DDC: variants seen among roughly 807,000 people sequenced by gnomAD.
DDC encodes dopa decarboxylase.
A neutral mutation model predicts 60.0 loss-of-function variants in DDC; 43 were observed. That is an observed-to-expected ratio of 0.72 (90% CI 0.56 to 0.92). DDC has a LOEUF of 0.92. Among genes scored for constraint, DDC ranks in the 40% least tolerant of loss-of-function variants. The pLI, the probability that DDC is intolerant of heterozygous loss-of-function variation, is 0.00. For synonymous variants in DDC, 232 were observed against 234.6 expected, an observed-to-expected ratio of 0.99 and a Z score of 0.10; for missense variants, 573 against 620.2, an observed-to-expected ratio of 0.92 and a Z score of 0.81.
chr7:50,478,139 G>T (rs1466335250), intron 10 of DDC, among the ~76,000 whole-genome samples: 2 of 152,138 alleles, frequency 1.3e-5, no homozygotes, highest in African/African-American at 4.8e-5. Context: ...CTTGAGCCTG[G>T]GAGGTGGAGG....
chr7:50,525,587 G>A (rs573784276), intron 6 of DDC, among the ~76,000 whole-genome samples: 1 of 152,022 alleles, frequency 6.6e-6, no homozygotes, highest in Non-Finnish European at 1.5e-5. Context: ...AACATGATGA[G>A]ACCCCGTCTC....
At chr7:50,551,954 T>C (rs1309291811) in intron 1 of DDC, among the ~76,000 whole-genome samples, 1 of 152,034 alleles carries the variant, frequency 6.6e-6, no homozygotes, top group African/African-American at 2.4e-5. Flanking sequence ...CTGGGAAAGA[T>C]TCAGAAAGAC....
chr7:50,516,398 C>A (rs2043732559), intron 6 of DDC, among the ~76,000 whole-genome samples: 1 of 152,016 alleles, frequency 6.6e-6, no homozygotes. Flanking sequence ...ACGACACAAC[C>A]TACCAAAACC....
intron 1 of DDC, 92 bp from the exon 2 acceptor site, chr7:50,544,205 G>A: frequency 1.1e-6 from 1 of 933,412 alleles, no homozygotes; most frequent in Non-Finnish European, 1.7e-6. Flanking sequence ...GGACACCTGG[G>A]CAGTGACTGC....
At chr7:50,499,085 A>C (rs2043187393) in intron 8 of DDC, 63 bp downstream of exon 8, 2 of 1,259,416 alleles carry the variant, frequency 1.6e-6, no homozygotes, top group African/African-American at 2.9e-5. Context: ...CTCCTCATGA[A>C]GGGAGAGGTC....
chr7:50,544,219 C>T, intron 1 of DDC, 106 bp from the exon 2 acceptor site: 1 of 820,060 alleles, frequency 1.2e-6, no homozygotes, highest in South Asian at 1.4e-5. Context: ...TGACTGCATG[C>T]CCTGGAGGCC....
In DDC at chr7:50,555,314, C is replaced by T. The variant is rs189468115; in HGVS notation, c.-29+9971G>A. Among the ~76,000 whole-genome samples, 7 of 152,248 alleles carry T rather than the reference C, an allele frequency of 4.6e-5. No homozygotes were observed. In the East Asian group the frequency reaches 1.2e-3, roughly 25 times the overall value. The stretch of plus-strand genomic sequence containing the variant: ...GGGGAGACAAGAGATCTGTTGGAAA[C>T]GAGACCCAGGACAGGCTGACATCTT... On this transcript the variant is annotated intron_variant, in intron 1 of 14. Transcript: ENST00000444124.
rs545585887 is a variant in DDC at position 50,528,398 on chromosome 7, G to A, written c.571-118C>T. On this transcript the variant is annotated intron_variant, in intron 5 of 14. Transcript: ENST00000444124. ...ACACAAGGTCCCTCTTAACGGCACA[G>A]GAGGCAGAACTGCTCCTGACTGCTC... 1.9e-4 allele frequency: 253 copies of A among 1,306,032 alleles called. 4 individuals carry two copies. The South Asian group carries it at 2.9e-3, about 15-fold the overall frequency. The allele number at this position is 1,306,032 out of a possible 1,614,324, so 80.9% of individuals were successfully genotyped here.
rs767470253 is a variant in DDC at position 50,540,013 on chromosome 7, T to C, written c.217A>G (p.Ser73Gly). 1 of 1,613,644 alleles carries C rather than the reference T, an allele frequency of 6.2e-7. No individual in the cohort carries two copies. The highest frequency in any genetic ancestry group is 1.1e-5 in the South Asian group (1 of 90,968). ...IIMPGVTHWH[S>G]PYFFAYFPTA... ...GGGAAGTAGGCGAAGAAGTAGGGGCTGTGCCAGTGCGTCACCTGCATGGGA... is the reference window on the plus strand; with the variant it reads ...GGGAAGTAGGCGAAGAAGTAGGGGCCGTGCCAGTGCGTCACCTGCATGGGA... Residue 73 changes from serine (S) to glycine (G), a missense_variant, in exon 3 of 15, where the codon AGC (serine) becomes GGC (glycine). By Grantham distance (56) the Ser-to-Gly change is moderately conservative. Transcript: ENST00000444124.
intron 8 of DDC, among the ~76,000 whole-genome samples, chr7:50,497,646 G>A (rs568897095): frequency 6.6e-6 from 1 of 152,256 alleles, no homozygotes; most frequent in East Asian, 1.9e-4. Context: ...TACCGGCAAT[G>A]AACTATATCA....
At chr7:50,468,565 C>T (rs1487405304) in intron 12 of DDC, among the ~76,000 whole-genome samples, 1 of 152,162 alleles carries the variant, frequency 6.6e-6, no homozygotes, top group Non-Finnish European at 1.5e-5. Flanking sequence ...CTGGAACTGT[C>T]CTCACCGAAG....
intron 9 of DDC, among the ~76,000 whole-genome samples, chr7:50,490,276 C>A (rs1032148274): frequency 4.6e-5 from 7 of 152,206 alleles, no homozygotes; most frequent in African/African-American, 1.4e-4. Context: ...GGGCTAGGAA[C>A]CTCAAGTTCT....
At chr7:50,471,551 C>G (rs2042532235) in intron 11 of DDC, among the ~76,000 whole-genome samples, 1 of 152,124 alleles carries the variant, frequency 6.6e-6, no homozygotes, top group Admixed American at 6.5e-5. Context: ...GTGGTTCCCC[C>G]CAGTTGCACA....
intron 2 of DDC, 108 bp from the exon 3 acceptor site, chr7:50,540,136 C>G (rs1029039563): frequency 1.2e-6 from 1 of 804,224 alleles, no homozygotes; most frequent in Non-Finnish European, 2.1e-6. Context: ...GCAGCCAGAC[C>G]CAGAGTTAGG....
At chr7:50,462,606 G>C (rs546246240) in intron 14 of DDC, among the ~76,000 whole-genome samples, 52 of 152,238 alleles carry the variant, frequency 3.4e-4, no homozygotes, top group African/African-American at 1.2e-3. Context: ...ATATGAGCTT[G>C]TTATGATAGT....
intron 9 of DDC, among the ~76,000 whole-genome samples, chr7:50,493,816 T>TA (rs11315611): frequency 0.033 from 4,884 of 149,488 alleles, 229 homozygotes; most frequent in Admixed American, 0.12. Context: ...TGGTTAGCCT[T>TA]AAAAAAAAAA....
chr7:50,513,314 A>G (rs2043636096), intron 6 of DDC, among the ~76,000 whole-genome samples: 1 of 152,364 alleles, frequency 6.6e-6, no homozygotes, highest in South Asian at 2.1e-4. Context: ...AGGAAGCAGC[A>G]GAAAGGCACT....
chr7:50,503,234 C>A (rs2043301967), intron 7 of DDC, among the ~76,000 whole-genome samples: 1 of 152,226 alleles, frequency 6.6e-6, no homozygotes, highest in South Asian at 2.1e-4. Flanking sequence ...TCAGAACATT[C>A]CCATCCTAGA....
intron 9 of DDC, among the ~76,000 whole-genome samples, chr7:50,487,089 G>C (rs1413895964): frequency 6.6e-6 from 1 of 152,132 alleles, no homozygotes; most frequent in African/African-American, 2.4e-5. Flanking sequence ...ATCTGCCTCT[G>C]CCTGGGTCTG....
Sources: gnomAD v4.1 joint callset for allele counts (sites outside exome capture counted in the v4.1 genomes callset) on GRCh38, gnomAD v4.1.1 for gene constraint, MANE v1.5 for transcripts, NCBI Gene and HGNC (gene_info 2026-07-23, HGNC 2026-07-21) for gene names.